The following ZNF200 variants were observed in gnomAD, a reference collection of about 807,000 sequenced individuals.
The protein encoded by ZNF200 is zinc finger protein 200.
A neutral mutation model predicts 33.6 loss-of-function variants in ZNF200; 35 were observed. The ratio of observed to expected loss-of-function variants is 1.04; its 90% CI spans 0.80 to 1.38. The LOEUF is 1.38. ZNF200 is among the 40% of genes most tolerant of loss of function. The pLI is 0.00. For synonymous variants in ZNF200, 209 were observed against 167.7 expected (o/e 1.25, Z -1.90); for missense variants, 592 against 470.6 (o/e 1.26, Z -2.39).
Position 3,224,561 on chromosome 16 carries a change from T to G in ZNF200, c.519A>C (p.Glu173Asp). 1 of 1,611,626 alleles carries G rather than the reference T, an allele frequency of 6.2e-7. No homozygotes were observed. The highest frequency in any genetic ancestry group is 8.5e-7 in the Non-Finnish European group (1 of 1,178,354). Residue 173 changes from glutamate (E) to aspartate (D), a missense_variant, in exon 5 of 5, where the codon GAA becomes GAC. Coordinates refer to ENST00000414144, the MANE Select transcript of ZNF200 (RefSeq NM_198088.3). ...EGEDPEREPV[E>D]NEDYREKSSD... ...AAGACTTTTCTCTATAATCTTCATT[T>G]TCTACAGGTTCCCTCTCAGGATCTT...
Position 3,223,938 on chromosome 16 carries a change from C to A in ZNF200, c.1142G>T (p.Arg381Leu). 3 of 1,613,972 alleles carry A rather than the reference C, an allele frequency of 1.9e-6. No individual in the cohort carries two copies. In the African/African-American group the frequency reaches 4.0e-5, roughly 22 times the overall value. The change falls in exon 5 of 5, where the codon CGG becomes CTG. Residue 381 changes from arginine (R) to leucine (L), a missense_variant. By Grantham distance (102) the Arg-to-Leu change is moderately radical (BLOSUM62 -2). Transcript: ENST00000414144. ...ACAGGCTGAGTGGGTTTTCTCATGC[C>A]GGGTACAGTTTGACAGCCGACCAAA... ...RRFGRLSNCT[R>L]HEKTHSACKT... is the part of the protein sequence containing the mutation.
rs1446490110 is a variant in ZNF200, at chr16:3,223,335, T to C, written c.*557A>G. ...TCACATACAAATGAGAGTCTGACAT[T>C]CAACTGTTTTCCTATATTCCAAAGT... On this transcript the variant is annotated 3_prime_UTR_variant, in exon 5 of 5. Transcript: ENST00000414144. The C allele has an allele frequency of 2.6e-5, 4 of 152,352 alleles. No individual in the cohort carries two copies. Among genetic ancestry groups the C allele is most frequent in the African/African-American group, 9.6e-5 (4 of 41,480 alleles). The allele number at this position is 152,352 out of a possible 1,614,324, so 9.4% of individuals were successfully genotyped here.
chr16:3,224,904 T>C (rs1371320219), intron 4 of ZNF200: 2 of 366,628 alleles, frequency 5.5e-6, no homozygotes, highest in Non-Finnish European at 5.0e-6. Context: ...CAAGTTCATA[T>C]TCACCTTATA....
At position 3,224,603 on chromosome 16, in the gene ZNF200, G is replaced by A. The variant is rs574753988; in HGVS notation, c.477C>T (p.Gly159=). Residue 159 remains glycine, a synonymous_variant, in exon 5 of 5, where the codon GGC becomes GGT. Coordinates refer to ENST00000414144, the MANE Select transcript of ZNF200 (RefSeq NM_198088.3). The stretch of plus-strand genomic sequence containing the variant: ...CAGGATCTTCACCTTCAGGATTACT[G>A]CCATTGACTGCTGAAACAAAGAGAG... The part of the protein sequence containing the change: ...VGEMMLLAVN[G]SNPEGEDPER... The A allele has an allele frequency of 5.8e-5, 92 of 1,588,876 alleles. No homozygotes were observed. The South Asian group carries it at 8.5e-4, about 15-fold the overall frequency.
intron 4 of ZNF200, among the ~76,000 whole-genome samples, chr16:3,231,910 G>A (rs1262952483): frequency 6.6e-6 from 1 of 152,196 alleles, no homozygotes; most frequent in Non-Finnish European, 1.5e-5. Flanking sequence ...ACTCTGAGAA[G>A]TACATGAGAG....
At chr16:3,224,711 T>C in intron 4 of ZNF200, 98 bp from the exon 5 acceptor site, 1 of 1,461,206 alleles carries the variant, frequency 6.8e-7, no homozygotes, top group East Asian at 2.3e-5. Context: ...ACCTTGAACG[T>C]CAATCTGGGG....
In ZNF200 at chr16:3,223,406, G is replaced by C. The variant is rs1298470823; in HGVS notation, c.*486C>G. On this transcript the variant is annotated 3_prime_UTR_variant, in exon 5 of 5. Transcript: ENST00000414144. ...CAAGACTTAAACAGGTATTCTTAGA[G>C]GGTTATATGAATTGCTATCAGAAGC... The C allele has an allele frequency of 6.5e-6, 1 of 153,848 alleles. No homozygotes were observed. The highest frequency in any genetic ancestry group is 1.4e-5 in the Non-Finnish European group (1 of 69,268). 9.5% of individuals were successfully genotyped at this position (153,848 alleles called of 1,614,324 possible). A position where few individuals can be genotyped will look rare whatever the true frequency, so the allele number is the denominator to read the frequency against.
At chr16:3,232,309 G>T (rs1958655490) in intron 4 of ZNF200, 112 bp downstream of exon 4, 2 of 1,204,994 alleles carry the variant, frequency 1.7e-6, no homozygotes, top group Non-Finnish European at 2.3e-6. Flanking sequence ...AATAAAATGT[G>T]TGTGTGCACA....
chr16:3,232,812 A>T, intron 3 of ZNF200, 21 bp downstream of exon 3: 1 of 1,611,346 alleles, frequency 6.2e-7, no homozygotes, highest in South Asian at 1.1e-5. Context: ...TTCAGGCAGT[A>T]AATGGGAAAA....
chr16:3,225,616 T>C (rs191516114), intron 4 of ZNF200: 14 of 152,264 alleles, frequency 9.2e-5, no homozygotes, highest in African/African-American at 3.4e-4. Flanking sequence ...GGGTGGTGCT[T>C]AGTGTGTACA....
Position 3,223,678 on chromosome 16 carries a change from A to C in ZNF200, c.*214T>G, listed in dbSNP as rs748411505. On this transcript the variant is annotated 3_prime_UTR_variant, in exon 5 of 5. Coordinates refer to ENST00000414144, the MANE Select transcript of ZNF200 (RefSeq NM_198088.3). ...AAAAGGAAAGCTCCTTAGTCCAAAA[A>C]GCCTAGATGCTGAGGTATAGCCCTT... 2 of 598,840 alleles carry C rather than the reference A, an allele frequency of 3.3e-6. No homozygotes were observed. Among genetic ancestry groups the C allele is most frequent in the Non-Finnish European group, 5.4e-6 (2 of 372,498 alleles). 37.1% of individuals were successfully genotyped at this position (598,840 alleles called of 1,614,324 possible). A position where few individuals can be genotyped will look rare whatever the true frequency, so the allele number is the denominator to read the frequency against.
rs1596332755 is a variant in ZNF200, at chr16:3,224,302, G to A, written c.778C>T (p.Gln260Ter). ...RWYTCPLCGK[Q>*]FNESSYLISH... is the part of the protein sequence containing the mutation. Reference sequence around the variant, plus strand: ...ATGAGGTAAGAACTTTCATTAAACTGTTTCCCACACAGTGGACAAGTGTAC... The same window carrying A: ...ATGAGGTAAGAACTTTCATTAAACTATTTCCCACACAGTGGACAAGTGTAC... Residue 260 changes from glutamine to a stop codon, truncating the protein, a stop_gained, in exon 5 of 5, where the codon CAG (glutamine) becomes TAG (stop). Coordinates refer to ENST00000414144, the MANE Select transcript of ZNF200 (RefSeq NM_198088.3). LOFTEE classifies it high-confidence loss of function. 1 of 1,614,116 alleles carries A rather than the reference G, an allele frequency of 6.2e-7. No individual in the cohort carries two copies. Among genetic ancestry groups the A allele is most frequent in the Non-Finnish European group, 8.5e-7 (1 of 1,179,996 alleles).
chr16:3,224,281 G>GGTAA lies in ZNF200; in HGVS notation c.795_798dup (p.Ile268ProfsTer15). On this transcript the variant is annotated frameshift_variant, in exon 5 of 5. Transcript: ENST00000414144. LOFTEE classifies it high-confidence loss of function. ...GTGTGGGTCCTCTGGTGGGAAATGA[G>GGTAA]GTAAGAACTTTCATTAAACTGTTTC... The GGTAA allele has an allele frequency of 1.2e-6, 2 of 1,614,050 alleles. No individual in the cohort carries two copies. The highest frequency in any genetic ancestry group is 1.7e-6 in the Non-Finnish European group (2 of 1,180,008).
intron 4 of ZNF200, among the ~76,000 whole-genome samples, chr16:3,232,220 G>A (rs894806275): frequency 1.1e-4 from 17 of 152,096 alleles, no homozygotes; most frequent in African/African-American, 3.4e-4. Context: ...CTGCCCCCAA[G>A]ATACAGGGAA....
At chr16:3,228,985 A>AG (rs1389297026) in intron 4 of ZNF200, among the ~76,000 whole-genome samples, 1 of 152,186 alleles carries the variant, frequency 6.6e-6, no homozygotes, top group South Asian at 2.1e-4. Flanking sequence ...AATATTTGAG[A>AG]GAAAAAAAAA....
chr16:3,228,198 C>A (rs1958523971), intron 4 of ZNF200, among the ~76,000 whole-genome samples: 1 of 152,082 alleles, frequency 6.6e-6, no homozygotes, highest in South Asian at 2.1e-4. Flanking sequence ...TAAATGACCC[C>A]ATTTATATAT....
In ZNF200 at chr16:3,222,610, A is replaced by C. The variant is rs550974017; in HGVS notation, c.*1282T>G. On this transcript the variant is annotated 3_prime_UTR_variant, in exon 5 of 5. Coordinates refer to ENST00000414144, the MANE Select transcript of ZNF200 (RefSeq NM_198088.3). ...TTTCTGGATGGGAAACATACACTAT[A>C]ATTTTTCCCAAATAGCTTATAGGAT... 7 of 152,230 alleles carry C rather than the reference A, an allele frequency of 4.6e-5. No homozygotes were observed. The highest frequency in any genetic ancestry group is 8.8e-5 in the Non-Finnish European group (6 of 68,036). The allele number at this position is 152,230 out of a possible 1,614,324, so 9.4% of individuals were successfully genotyped here. A position where few individuals can be genotyped will look rare whatever the true frequency, so the allele number is the denominator to read the frequency against.
intron 4 of ZNF200, chr16:3,224,866 G>T (rs1958427205): frequency 2.1e-6 from 1 of 482,538 alleles, no homozygotes; most frequent in Non-Finnish European, 3.7e-6. Context: ...TCAAATGTTT[G>T]TTCTCTTCAT....
intron 4 of ZNF200, among the ~76,000 whole-genome samples, chr16:3,231,093 C>T (rs755180872): frequency 8.3e-4 from 127 of 152,226 alleles, no homozygotes; most frequent in Middle Eastern, 6.8e-3. Context: ...TAAGCTTAAG[C>T]CACCAGCTTC....
Sources: allele counts gnomAD v4.1 joint callset (sites outside exome capture counted in the v4.1 genomes callset), GRCh38; gene constraint gnomAD v4.1.1; transcripts MANE v1.5; gene names NCBI Gene and HGNC (gene_info 2026-07-23, HGNC 2026-07-21).